KDM4A: variants seen among roughly 807,000 people sequenced by gnomAD.
KDM4A encodes lysine demethylase 4A, also known as lysine-specific demethylase 4A.
In KDM4A, 23 loss-of-function variants were observed where a neutral mutation model predicts 127.1. That is an observed-to-expected ratio of 0.18 (90% CI 0.13 to 0.26). The LOEUF (loss-of-function observed/expected upper bound fraction) is 0.26, where lower values mean the gene tolerates loss of function less well. KDM4A is among the 10% of genes least tolerant of loss of function. KDM4A has a pLI of 1.00. For missense variants in KDM4A, 890 were observed against 1,329.1 expected (o/e 0.67, Z 5.14); for synonymous variants, 443 against 466.5 (o/e 0.95, Z 0.65).
intron 3 of KDM4A, among the ~76,000 whole-genome samples, chr1:43,657,831 G>T (rs509173): frequency 6.9e-6 from 1 of 145,528 alleles, no homozygotes; most frequent in African/African-American, 2.5e-5. Context: ...GCTCATTGCA[G>T]CCTCCGCCTC....
chr1:43,657,020 C>T (rs1484566825), intron 3 of KDM4A, among the ~76,000 whole-genome samples: 3 of 152,062 alleles, frequency 2.0e-5, no homozygotes, highest in African/African-American at 4.8e-5. Context: ...CCTCCTTGCT[C>T]AGCCTCCCAA....
chr1:43,671,624 G>A lies in KDM4A; in HGVS notation c.1483G>A (p.Val495Ile), dbSNP rs750198893. 3.7e-6 allele frequency: 6 copies of A among 1,613,728 alleles called. No individual in the cohort carries two copies. The highest frequency in any genetic ancestry group is 4.2e-6 in the Non-Finnish European group (5 of 1,179,820). Reference protein sequence around the residue: ...ALDLSVNPASVGGRLVFSGSK... With the variant: ...ALDLSVNPASIGGRLVFSGSK... ...GGATCTTTCTGTGAATCCTGCGTCT[G>A]TAGGGGGACGCCTTGTCTTCTCAGG... Residue 495 changes from valine to isoleucine, a missense_variant, in exon 11 of 22, where the codon GTA (valine) becomes ATA (isoleucine). This residue lies in a region of KDM4A where 389 missense variants were observed against 485.9 expected (regional missense o/e 0.80). Coordinates refer to ENST00000372396, the MANE Select transcript of KDM4A (RefSeq NM_014663.3).
At chr1:43,663,834 A>G (rs553467250) in intron 5 of KDM4A, among the ~76,000 whole-genome samples, 13 of 151,364 alleles carry the variant, frequency 8.6e-5, no homozygotes, top group South Asian at 2.1e-4. Flanking sequence ...GGGTCTCACT[A>G]TGTTGCACAG....
In KDM4A at chr1:43,694,881, T is replaced by G; in HGVS notation, c.2657T>G (p.Ile886Ser). The change falls in exon 18 of 22, where the codon ATT (isoleucine) becomes AGT (serine). Residue 886 changes from isoleucine (I) to serine (S), a missense_variant. Physicochemically the swap from Ile to Ser is moderately radical, Grantham distance 142. Around this residue, in one of 7 missense-constraint regions of KDM4A, gnomAD observed 246 missense variants for 418.4 expected, o/e 0.59. Transcript: ENST00000372396. The surrounding 1 kb of genome is among the most constrained non-coding windows in gnomAD (Gnocchi z 5.2). The stretch of plus-strand genomic sequence containing the variant: ...TTCATTACCTGCTTTCGGCACAAGA[T>G]TCCTAATTTGGAGGTGAGAGAGGGT... ...VVFITCFRHKIPNLERAKGAL... is the reference protein window; with the variant it reads ...VVFITCFRHKSPNLERAKGAL... The G allele has an allele frequency of 4.4e-6, 7 of 1,595,050 alleles. No individual in the cohort carries two copies. Among genetic ancestry groups the G allele is most frequent in the Non-Finnish European group, 6.0e-6 (7 of 1,163,776 alleles).
At chr1:43,658,502 A>T (rs1324755405) in intron 3 of KDM4A, among the ~76,000 whole-genome samples, 4 of 131,822 alleles carry the variant, frequency 3.0e-5, no homozygotes, top group African/African-American at 8.8e-5. Flanking sequence ...ACTTAGTCAG[A>T]TTTTTTTTTT....
chr1:43,695,235 T>C (rs943398934), intron 18 of KDM4A, among the ~76,000 whole-genome samples: 22 of 152,218 alleles, frequency 1.4e-4, no homozygotes, highest in Non-Finnish European at 2.6e-4. Flanking sequence ...CCTCTGAAAA[T>C]GTTGAGAACA....
chr1:43,673,784 CAG>C (rs1416452629), intron 11 of KDM4A, among the ~76,000 whole-genome samples: 1 of 152,190 alleles, frequency 6.6e-6, no homozygotes, highest in East Asian at 1.9e-4. Context: ...TCTTCCTTCG[CAG>C]AGGCCCCGGG....
At position 43,676,049 on chromosome 1, in the gene KDM4A, CCA is replaced by C. The variant is rs200680327; in HGVS notation, c.1734+4175_1734+4176del. On this transcript the variant is annotated intron_variant, in intron 11 of 21. Coordinates refer to ENST00000372396, the MANE Select transcript of KDM4A (RefSeq NM_014663.3). ...TGAGCTGAGATCACACCACTGCACT[CCA>C]GTCTGGGCAAAAGAGTGAAACTTTA... Among the ~76,000 whole-genome samples, 327 of 149,384 alleles carry C rather than the reference CCA, an allele frequency of 2.2e-3. 4 individuals are homozygous for C. Among genetic ancestry groups the C allele is most frequent in the East Asian group, 0.017 (84 of 5,010 alleles).
rs1446338658 is a variant in KDM4A, at chr1:43,694,662, GCAGTGC to G, written c.2485-42_2485-37del. On this transcript the variant is annotated intron_variant, in intron 17 of 21. Coordinates refer to ENST00000372396, the MANE Select transcript of KDM4A (RefSeq NM_014663.3). The surrounding 1 kb of genome is among the most constrained non-coding windows in gnomAD (Gnocchi z 5.2). ...TGGGAGGGGAACAACAGAGGAAGCT[GCAGTGC>G]CAGTTCCTGCAATCACTGGTTTTCT... The G allele has an allele frequency of 6.6e-7, 1 of 1,526,342 alleles. No homozygotes were observed. Among genetic ancestry groups the G allele is most frequent in the Non-Finnish European group, 9.0e-7 (1 of 1,110,238 alleles). The allele number at this position is 1,526,342 out of a possible 1,614,324, so 94.5% of individuals were successfully genotyped here.
chr1:43,702,567 A>G (rs1661425881), intron 19 of KDM4A: 1 of 152,116 alleles, frequency 6.6e-6, no homozygotes, highest in Admixed American at 6.5e-5. Context: ...TACCTATCAG[A>G]CCTTTCATTC....
intron 12 of KDM4A, among the ~76,000 whole-genome samples, chr1:43,686,189 T>TA (rs1208949651): frequency 7.0e-6 from 1 of 142,852 alleles, no homozygotes; most frequent in East Asian, 2.2e-4. Flanking sequence ...GAGTCTCACT[T>TA]ACTCTGTTGC....
intron 11 of KDM4A, 86 bp from the exon 12 acceptor site, chr1:43,683,598 C>G: frequency 8.8e-6 from 13 of 1,480,514 alleles, no homozygotes; most frequent in Non-Finnish European, 1.2e-5. Flanking sequence ...GTGCCCCTCT[C>G]TTTCCTTTGG....
At chr1:43,666,208 C>A in intron 6 of KDM4A, 1 of 494,876 alleles carries the variant, frequency 2.0e-6, no homozygotes. Flanking sequence ...AGAACAGAGG[C>A]AGCTTGGGTG....
In KDM4A at chr1:43,697,881, G is replaced by A. The variant is rs750514845; in HGVS notation, c.2709G>A (p.Gln903=). ...CCTTGCAAAGCATCACTGCAGGCCA[G>A]AAAGTCATTAGCAAGCATAAGAACG... ...KGALQSITAG[Q]KVISKHKNGR... The change falls in exon 19 of 22, where the codon CAG becomes CAA. Residue 903 remains glutamine (Q), a synonymous_variant. Transcript: ENST00000372396. 6.2e-7 allele frequency: 1 copy of A among 1,613,898 alleles called. No homozygotes were observed. The highest frequency in any genetic ancestry group is 8.5e-7 in the Non-Finnish European group (1 of 1,180,000).
Position 43,671,646 on chromosome 1 carries a change from C to CTTGTCT in KDM4A, c.1505_1506insTTGTCT (p.Ser502_Gly503insCysLeu), listed in dbSNP as rs747080315. 1,017 of 1,613,426 alleles carry CTTGTCT rather than the reference C, an allele frequency of 6.3e-4. 1 individual carries two copies. The highest frequency in any genetic ancestry group is 8.3e-4 in the Non-Finnish European group (980 of 1,179,706). ...TCTGTAGGGGGACGCCTTGTCTTCTCAGGCTCCAAAAAGAAATCATCTTCT... is the reference window on the plus strand; with the variant it reads ...TCTGTAGGGGGACGCCTTGTCTTCTCTTGTCTAGGCTCCAAAAAGAAATCATCTTCT... On this transcript the variant is annotated inframe_insertion, in exon 11 of 22. Coordinates refer to ENST00000372396, the MANE Select transcript of KDM4A (RefSeq NM_014663.3).
At chr1:43,689,139 A>G in intron 13 of KDM4A, 44 bp downstream of exon 13, 1 of 1,586,604 alleles carries the variant, frequency 6.3e-7, no homozygotes, top group East Asian at 2.2e-5. Flanking sequence ...ACCAGCAATC[A>G]TAGGGAAGCT....
chr1:43,691,553 C>CA lies in KDM4A; in HGVS notation c.2301dup (p.Ala768SerfsTer23), dbSNP rs1661110792. The CA allele has an allele frequency of 6.2e-7, 1 of 1,613,854 alleles. No individual in the cohort carries two copies. Among genetic ancestry groups the CA allele is most frequent in the Non-Finnish European group, 8.5e-7 (1 of 1,179,988 alleles). On this transcript the variant is annotated frameshift_variant, in exon 15 of 22. Transcript: ENST00000372396. LOFTEE classifies it high-confidence loss of function. ...GAAGACTGGATGTGTTCTCGGTGTT[C>CA]AGCCAATGCCCTAGAGGAGGTGAGT...
At position 43,697,950 on chromosome 1, in the gene KDM4A, C is replaced by T. The variant is rs761299911; in HGVS notation, c.2778C>T (p.Thr926=). The T allele has an allele frequency of 3.1e-6, 5 of 1,613,876 alleles. No homozygotes were observed. ...QCEVVRLTTE[T]FYEVNFDDGS... Reference sequence around the variant, plus strand: ...AAGTGGTCAGGCTCACCACCGAGACCTTCTATGAAGTCAACTTTGATGATG... The same window carrying T: ...AAGTGGTCAGGCTCACCACCGAGACTTTCTATGAAGTCAACTTTGATGATG... The change falls in exon 19 of 22, where the codon ACC becomes ACT. Residue 926 remains threonine, a synonymous_variant. Transcript: ENST00000372396.
rs377077968 is a variant in KDM4A at position 43,662,990 on chromosome 1, C to T, written c.526C>T (p.Leu176=). Reference sequence around the variant, plus strand: ...CATTGAGGGTGTGAACACCCCATACCTGTACTTTGGCATGTGGAAGACATC... The same window carrying T: ...CATTGAGGGTGTGAACACCCCATACTTGTACTTTGGCATGTGGAAGACATC... ...ITIEGVNTPY[L]YFGMWKTSFA... Residue 176 remains leucine (L), a synonymous_variant, in exon 5 of 22, where the codon CTG becomes TTG. Coordinates refer to ENST00000372396, the MANE Select transcript of KDM4A (RefSeq NM_014663.3). 4.3e-6 allele frequency: 7 copies of T among 1,614,036 alleles called. No individual in the cohort carries two copies. The highest frequency in any genetic ancestry group is 1.6e-4 in the Middle Eastern group (1 of 6,084).
Sources: allele counts gnomAD v4.1 joint callset (sites outside exome capture counted in the v4.1 genomes callset), GRCh38; gene constraint gnomAD v4.1.1; regional missense constraint gnomAD v4.1.1; non-coding constraint Gnocchi (gnomAD v3.1); transcripts MANE v1.5; gene names NCBI Gene and HGNC (gene_info 2026-07-23, HGNC 2026-07-21).